Variants in PPP1R9A observed in about 807,000 individuals in gnomAD.
The protein encoded by PPP1R9A is protein phosphatase 1 regulatory subunit 9A, also known as neurabin-1.
In PPP1R9A, 59 loss-of-function variants were observed where a neutral mutation model predicts 141.9. That is an observed-to-expected ratio of 0.42 (90% confidence interval 0.34 to 0.52). PPP1R9A has a LOEUF of 0.52. Among genes scored for constraint, PPP1R9A ranks in the 20% least tolerant of loss-of-function variants. The pLI, the probability that PPP1R9A is intolerant of heterozygous loss-of-function variation, is 0.10. For synonymous variants in PPP1R9A, 500 were observed against 569.7 expected (o/e 0.88, Z 1.74); for missense variants, 1,444 against 1,611.9 (o/e 0.90, Z 1.78).
chr7:95,023,641 C>G (rs574085428), intron 2 of PPP1R9A, among the ~76,000 whole-genome samples: 10 of 152,170 alleles, frequency 6.6e-5, no homozygotes, highest in Middle Eastern at 3.4e-3. Context: ...GCAAGCTCTG[C>G]CTCCTGGTTT....
Position 95,169,574 on chromosome 7 carries a change from A to G in PPP1R9A, c.1754+7603A>G, listed in dbSNP as rs138111382. On this transcript the variant is annotated intron_variant, in intron 5 of 19. Transcript: ENST00000433360. ...GTAGAAATGATAAATAGTAGAGGTA[A>G]TGAAGACTCCAGATACCCTGATTTG... Among the ~76,000 whole-genome samples, 43 of 152,094 alleles carry G rather than the reference A, an allele frequency of 2.8e-4. No individual in the cohort carries two copies. In the East Asian group the frequency reaches 8.1e-3, roughly 29 times the overall value.
At chr7:95,191,334 A>G (rs1217603274) in intron 5 of PPP1R9A, among the ~76,000 whole-genome samples, 1 of 152,212 alleles carries the variant, frequency 6.6e-6, no homozygotes, top group Non-Finnish European at 1.5e-5. Context: ...AAAACAAGAT[A>G]AAAAATTTTA....
chr7:95,210,831 G>A (rs893189793), intron 7 of PPP1R9A, among the ~76,000 whole-genome samples: 3 of 152,130 alleles, frequency 2.0e-5, no homozygotes, highest in Admixed American at 2.0e-4. Flanking sequence ...AAAAGGATGA[G>A]TTAATGTCCT....
chr7:95,068,079 C>A (rs74733331), intron 2 of PPP1R9A, among the ~76,000 whole-genome samples: 2 of 152,056 alleles, frequency 1.3e-5, no homozygotes, highest in African/African-American at 4.8e-5. Flanking sequence ...CAAAAAAAAA[C>A]TGGATATGTG....
At chr7:95,195,719 A>T (rs1836169510) in intron 5 of PPP1R9A, among the ~76,000 whole-genome samples, 1 of 152,030 alleles carries the variant, frequency 6.6e-6, no homozygotes, top group Non-Finnish European at 1.5e-5. Context: ...ATGTTTGTAT[A>T]TGTATATTGA....
intron 2 of PPP1R9A, among the ~76,000 whole-genome samples, chr7:95,024,367 C>G (rs561276954): frequency 1.3e-5 from 2 of 152,290 alleles, no homozygotes; most frequent in East Asian, 3.9e-4. Context: ...CTGATATACA[C>G]AGTGGGGTGT....
intron 5 of PPP1R9A, among the ~76,000 whole-genome samples, chr7:95,162,866 C>T (rs1830643918): frequency 1.3e-5 from 2 of 152,148 alleles, no homozygotes; most frequent in African/African-American, 4.8e-5. Context: ...AACTGTAAAT[C>T]ATCTTCTAAT....
intron 2 of PPP1R9A, among the ~76,000 whole-genome samples, chr7:95,009,784 G>A (rs1455408442): frequency 6.6e-6 from 1 of 152,152 alleles, no homozygotes; most frequent in Non-Finnish European, 1.5e-5. Context: ...CTGTAAAGAG[G>A]CAGGAATAGT....
intron 7 of PPP1R9A, among the ~76,000 whole-genome samples, chr7:95,225,559 GA>G (rs559819242): frequency 1.8e-3 from 268 of 152,196 alleles, no homozygotes; most frequent in African/African-American, 6.0e-3. Context: ...CCAACTCTGT[GA>G]TTCATTAAAC....
At chr7:94,947,639 A>G (rs1008940218) in intron 2 of PPP1R9A, among the ~76,000 whole-genome samples, 6 of 152,168 alleles carry the variant, frequency 3.9e-5, no homozygotes, top group Non-Finnish European at 8.8e-5. Context: ...CAGAACCTGT[A>G]CTACCATAGT....
intron 4 of PPP1R9A, among the ~76,000 whole-genome samples, chr7:95,125,020 A>G (rs1823316927): frequency 6.6e-6 from 1 of 152,176 alleles, no homozygotes; most frequent in Admixed American, 6.5e-5. Flanking sequence ...CTTTGATATT[A>G]TCTCTTACAT....
At chr7:95,139,919 T>A (rs4729174) in intron 4 of PPP1R9A, among the ~76,000 whole-genome samples, 43,495 of 151,858 alleles carry the variant, frequency 0.29, 6,804 homozygotes, top group South Asian at 0.45. Context: ...TGGAATTAGC[T>A]AGAAGACTTT....
rs1225100787 is a variant in PPP1R9A at position 95,290,382 on chromosome 7, G to C, written c.*79G>C. The stretch of plus-strand genomic sequence containing the variant: ...CCTGCCCTGCTCTCCTCCAGAGGAT[G>C]AAAAAGAAACTAAATGATAAGGGTA... On this transcript the variant is annotated 3_prime_UTR_variant, in exon 20 of 20. Coordinates refer to ENST00000433360, the MANE Select transcript of PPP1R9A (RefSeq NM_001166160.2). 4.2e-6 allele frequency: 6 copies of C among 1,430,868 alleles called. No individual in the cohort carries two copies. The East Asian group carries it at 1.5e-4, about 35-fold the overall frequency. The allele number at this position is 1,430,868 out of a possible 1,614,324, so 88.6% of individuals were successfully genotyped here.
intron 2 of PPP1R9A, among the ~76,000 whole-genome samples, chr7:95,073,167 G>GTAGAGACAGGGTTTCAC (rs1814250632): frequency 6.6e-6 from 1 of 150,632 alleles, no homozygotes. Flanking sequence ...TGTATTTTTT[G>GTAGAGACAGGGTTTCAC]TAGAGACAGG....
intron 2 of PPP1R9A, chr7:95,036,701 G>C (rs567395009): frequency 1.3e-5 from 2 of 152,214 alleles, no homozygotes; most frequent in Admixed American, 6.5e-5. Flanking sequence ...TAGGAAAATG[G>C]CTTCTGCTTC....
chr7:94,964,496 C>T (rs854718), intron 2 of PPP1R9A, among the ~76,000 whole-genome samples: 59,291 of 151,946 alleles, frequency 0.39, 12,412 homozygotes, highest in Middle Eastern at 0.51. Context: ...AATCCCCACC[C>T]GCTGACAGGC....
intron 2 of PPP1R9A, among the ~76,000 whole-genome samples, chr7:94,955,129 C>A (rs934595875): frequency 2.0e-5 from 3 of 151,728 alleles, no homozygotes; most frequent in African/African-American, 7.3e-5. Flanking sequence ...ATAGATTTTC[C>A]TCTAGTATTA....
At chr7:95,181,250 A>C (rs572478281) in intron 5 of PPP1R9A, among the ~76,000 whole-genome samples, 34 of 144,138 alleles carry the variant, frequency 2.4e-4, no homozygotes, top group Admixed American at 1.2e-3. Context: ...TATATAGAGA[A>C]TATATATAGA....
chr7:95,070,959 A>G (rs1813736597), intron 2 of PPP1R9A, among the ~76,000 whole-genome samples: 1 of 151,956 alleles, frequency 6.6e-6, no homozygotes, highest in African/African-American at 2.4e-5. Flanking sequence ...ATTGGCTAAA[A>G]AAATTGAGGA....
Sources: gnomAD v4.1 joint callset for allele counts (sites outside exome capture counted in the v4.1 genomes callset) on GRCh38, gnomAD v4.1.1 for gene constraint, MANE v1.5 for transcripts, NCBI Gene and HGNC (gene_info 2026-07-23, HGNC 2026-07-21) for gene names.